MRPL1: variants seen among roughly 807,000 people sequenced by gnomAD.
MRPL1 encodes large ribosomal subunit protein uL1m.
MRPL1 carries 28 observed loss-of-function variants against 38.0 expected under a neutral mutation model. That is an observed-to-expected ratio of 0.74 (90% confidence interval 0.55 to 1.01). MRPL1 has a LOEUF of 1.01. MRPL1 is among the 50% of genes least tolerant of loss of function. MRPL1 has a pLI of 0.00. For synonymous variants in MRPL1, 123 were observed against 126.7 expected (o/e 0.97, Z 0.20); for missense variants, 358 against 389.8 (o/e 0.92, Z 0.69).
At chr4:77,879,148 A>G (rs1352239815) in intron 2 of MRPL1, among the ~76,000 whole-genome samples, 1 of 152,236 alleles carries the variant, frequency 6.6e-6, no homozygotes, top group Non-Finnish European at 1.5e-5. Context: ...GGTTCCTGAT[A>G]GAGCTTTATA....
intron 6 of MRPL1, among the ~76,000 whole-genome samples, chr4:77,896,428 C>G (rs1249178340): frequency 1.3e-5 from 2 of 152,072 alleles, no homozygotes; most frequent in Admixed American, 1.3e-4. Context: ...TCTTTTCACC[C>G]CAACATGATC....
intron 2 of MRPL1, among the ~76,000 whole-genome samples, chr4:77,872,576 A>G (rs1735307119): frequency 6.6e-6 from 1 of 152,130 alleles, no homozygotes; most frequent in Admixed American, 6.6e-5. Context: ...TACTAAAAAT[A>G]CAAAATTAGC....
chr4:77,934,143 A>G (rs975154003), intron 7 of MRPL1, among the ~76,000 whole-genome samples: 6 of 152,216 alleles, frequency 3.9e-5, no homozygotes, highest in Non-Finnish European at 7.3e-5. Context: ...AGCCAGTCTG[A>G]AATTGTTACT....
intron 1 of MRPL1, among the ~76,000 whole-genome samples, chr4:77,868,604 T>C (rs905503849): frequency 1.3e-5 from 2 of 152,210 alleles, no homozygotes; most frequent in Non-Finnish European, 2.9e-5. Flanking sequence ...TAAGATGTTA[T>C]ACAAATGTAT....
chr4:77,875,196 T>C (rs886383832), intron 2 of MRPL1, among the ~76,000 whole-genome samples: 1 of 152,200 alleles, frequency 6.6e-6, no homozygotes, highest in African/African-American at 2.4e-5. Context: ...AAATATGATA[T>C]TCGTATATTA....
intron 7 of MRPL1, among the ~76,000 whole-genome samples, chr4:77,946,816 GTCTT>G (rs1467731558): frequency 6.6e-6 from 1 of 152,120 alleles, no homozygotes; most frequent in African/African-American, 2.4e-5. Flanking sequence ...TTCCCCAGGA[GTCTT>G]TCTTCTTTTA....
At chr4:77,894,352 A>G in intron 6 of MRPL1, 102 bp downstream of exon 6, 1 of 673,718 alleles carries the variant, frequency 1.5e-6, no homozygotes, top group Non-Finnish European at 2.5e-6. Context: ...AATAAATAGT[A>G]TGTCCTGGTA....
At chr4:77,873,040 AATAAG>A (rs1245454606) in intron 2 of MRPL1, among the ~76,000 whole-genome samples, 3 of 152,184 alleles carry the variant, frequency 2.0e-5, no homozygotes, top group East Asian at 1.9e-4. Context: ...TCAAAAATAA[AATAAG>A]ATAAGATATA....
intron 7 of MRPL1, among the ~76,000 whole-genome samples, chr4:77,929,455 TA>T (rs1369314118): frequency 5.3e-5 from 8 of 151,996 alleles, no homozygotes; most frequent in African/African-American, 1.9e-4. Flanking sequence ...ACAGAAACAA[TA>T]AAAACATCTA....
chr4:77,865,119 A>T (rs1735098854), intron 1 of MRPL1, among the ~76,000 whole-genome samples: 2 of 151,534 alleles, frequency 1.3e-5, no homozygotes, highest in Non-Finnish European at 2.9e-5. Flanking sequence ...CGAACTCCTG[A>T]TCTCAAGTGA....
At chr4:77,937,086 T>C (rs953458604) in intron 7 of MRPL1, among the ~76,000 whole-genome samples, 4 of 151,958 alleles carry the variant, frequency 2.6e-5, no homozygotes, top group Non-Finnish European at 4.4e-5. Flanking sequence ...GTTAGTGTCA[T>C]TGCACTCCAG....
chr4:77,885,431 A>G, intron 4 of MRPL1, 92 bp downstream of exon 4: 2 of 877,652 alleles, frequency 2.3e-6, no homozygotes, highest in Non-Finnish European at 3.7e-6. Context: ...CAGTGGGGCA[A>G]CCTCGGCTCA....
At chr4:77,885,414 T>A in intron 4 of MRPL1, 75 bp downstream of exon 4, 1 of 1,142,418 alleles carries the variant, frequency 8.8e-7, no homozygotes, top group Non-Finnish European at 1.3e-6. Context: ...GTCACCAGTC[T>A]GGAGTGCAGT....
At chr4:77,900,755 A>T (rs1382631311) in intron 6 of MRPL1, among the ~76,000 whole-genome samples, 1 of 152,224 alleles carries the variant, frequency 6.6e-6, no homozygotes, top group African/African-American at 2.4e-5. Flanking sequence ...ACTTTAGCTC[A>T]GAAGAATGAT....
At chr4:77,869,307 A>G (rs574561860) in intron 1 of MRPL1, among the ~76,000 whole-genome samples, 3 of 152,308 alleles carry the variant, frequency 2.0e-5, no homozygotes, top group Non-Finnish European at 4.4e-5. Context: ...TCAGTAGTTC[A>G]GGAAGTTCTG....
chr4:77,912,661 C>T (rs1736316863), intron 7 of MRPL1, among the ~76,000 whole-genome samples: 1 of 152,080 alleles, frequency 6.6e-6, no homozygotes, highest in Non-Finnish European at 1.5e-5. Flanking sequence ...ATAGCATTCT[C>T]AAAGTACCAG....
chr4:77,883,116 T>G, intron 2 of MRPL1, 126 bp from the exon 3 acceptor site: 1 of 633,916 alleles, frequency 1.6e-6, no homozygotes. Context: ...TGTAAAGCAG[T>G]CTATGCTTTT....
At chr4:77,951,165 C>T (rs1055158666) in intron 8 of MRPL1, among the ~76,000 whole-genome samples, 5 of 152,164 alleles carry the variant, frequency 3.3e-5, no homozygotes, top group Admixed American at 6.5e-5. Flanking sequence ...CCACGGTGTC[C>T]GGCTGTCTTT....
At chr4:77,910,895 T>A (rs1560467942) in intron 7 of MRPL1, among the ~76,000 whole-genome samples, 1 of 152,190 alleles carries the variant, frequency 6.6e-6, no homozygotes, top group Non-Finnish European at 1.5e-5. Context: ...AATTTCCTTG[T>A]TCCCCAAAAG....
Sources: allele counts gnomAD v4.1 joint callset (sites outside exome capture counted in the v4.1 genomes callset), GRCh38; gene constraint gnomAD v4.1.1; transcripts MANE v1.5; gene names NCBI Gene and HGNC (gene_info 2026-07-23, HGNC 2026-07-21).